MGLL: variants seen among roughly 807,000 people sequenced by gnomAD.
MGLL encodes monoglyceride lipase.
In MGLL, 7 loss-of-function variants were observed where a neutral mutation model predicts 29.1. The ratio of observed to expected loss-of-function variants is 0.24; its 90% CI spans 0.14 to 0.45. MGLL has a LOEUF of 0.45. Among genes scored for constraint, MGLL ranks in the 20% least tolerant of loss-of-function variants. The pLI is 0.99. For synonymous variants in MGLL, 148 were observed against 168.3 expected, an observed-to-expected ratio of 0.88 and a Z score of 0.93; for missense variants, 356 against 413.6, an observed-to-expected ratio of 0.86 and a Z score of 1.21.
chr3:127,762,145 TGGTTTATTGCTTC>T (rs2076775794), intron 3 of MGLL, among the ~76,000 whole-genome samples: 1 of 152,232 alleles, frequency 6.6e-6, no homozygotes, highest in South Asian at 2.1e-4. Flanking sequence ...AGTGCAGTCG[TGGTTTATTGCTTC>T]CACGTTAGTG....
chr3:127,722,111 A>G (rs2075937491), intron 4 of MGLL, among the ~76,000 whole-genome samples: 1 of 152,242 alleles, frequency 6.6e-6, no homozygotes, highest in Non-Finnish European at 1.5e-5. Flanking sequence ...CTTATTGATG[A>G]AGGAGCTATT....
intron 2 of MGLL, among the ~76,000 whole-genome samples, chr3:127,819,213 C>G (rs897306006): frequency 1.3e-5 from 2 of 152,206 alleles, no homozygotes; most frequent in African/African-American, 4.8e-5. Flanking sequence ...CTCCGAGCCA[C>G]CTGCAGAGCC....
chr3:127,811,578 T>C (rs561480448), intron 2 of MGLL, among the ~76,000 whole-genome samples: 1 of 152,366 alleles, frequency 6.6e-6, no homozygotes, highest in East Asian at 1.9e-4. Flanking sequence ...TCCTTGGACA[T>C]GCCTTCACAT....
In MGLL at chr3:127,722,410, G is replaced by T. The variant is rs755899651; in HGVS notation, c.399+20C>A. ...GGAAGCCAGGGTGGATTTAACCTGG[G>T]TCTTCTGTGGTCTGCTTACCATGGA... On this transcript the variant is annotated intron_variant, in intron 4 of 7. Transcript: ENST00000265052. 6.8e-6 allele frequency: 11 copies of T among 1,613,982 alleles called. No individual in the cohort carries two copies. In the African/African-American group the frequency reaches 1.3e-4, roughly 20 times the overall value.
At chr3:127,781,972 G>T (rs1003600079) in intron 2 of MGLL, 77 bp from the exon 3 acceptor site, 5 of 1,410,390 alleles carry the variant, frequency 3.5e-6, no homozygotes, top group South Asian at 1.2e-5. Context: ...TACAATTCCA[G>T]CACTTTGGGA....
At chr3:127,743,177 T>TA (rs1435168631) in intron 3 of MGLL, among the ~76,000 whole-genome samples, 2 of 152,208 alleles carry the variant, frequency 1.3e-5, no homozygotes, top group African/African-American at 4.8e-5. Flanking sequence ...AGTGGCCACC[T>TA]ACATGCCAAG....
intron 2 of MGLL, among the ~76,000 whole-genome samples, chr3:127,812,410 AG>A (rs2077677735): frequency 6.6e-6 from 1 of 152,232 alleles, no homozygotes; most frequent in Non-Finnish European, 1.5e-5. Context: ...TTTATCAGGG[AG>A]CCTGAAATCT....
At chr3:127,739,931 T>C (rs1451525324) in intron 3 of MGLL, among the ~76,000 whole-genome samples, 1 of 152,074 alleles carries the variant, frequency 6.6e-6, no homozygotes, top group Non-Finnish European at 1.5e-5. Context: ...TAGAGACTCA[T>C]AAAATGCAGG....
At chr3:127,764,815 G>A (rs2076828211) in intron 3 of MGLL, among the ~76,000 whole-genome samples, 1 of 152,082 alleles carries the variant, frequency 6.6e-6, no homozygotes, top group South Asian at 2.1e-4. Context: ...CCCCAACATA[G>A]CCAATATTTA....
At chr3:127,752,025 G>A (rs2076568273) in intron 3 of MGLL, among the ~76,000 whole-genome samples, 1 of 151,756 alleles carries the variant, frequency 6.6e-6, no homozygotes, top group Non-Finnish European at 1.5e-5. Context: ...TATTCCCTCA[G>A]GTGACCAATC....
chr3:127,711,500 G>A (rs183569518), intron 5 of MGLL: 1 of 152,386 alleles, frequency 6.6e-6, no homozygotes, highest in East Asian at 1.9e-4. Context: ...TTCAGAGAGG[G>A]GCTGTTTTCA....
chr3:127,702,172 C>T (rs984598714), intron 6 of MGLL, among the ~76,000 whole-genome samples: 7 of 152,212 alleles, frequency 4.6e-5, no homozygotes, highest in African/African-American at 1.2e-4. Context: ...CTGAGCCTAC[C>T]GCCTCTTTCC....
intron 2 of MGLL, among the ~76,000 whole-genome samples, chr3:127,817,900 G>T (rs1351280657): frequency 6.6e-6 from 1 of 152,260 alleles, no homozygotes; most frequent in Non-Finnish European, 1.5e-5. Flanking sequence ...CCCCATCCAT[G>T]GGCCAGTCTC....
intron 3 of MGLL, among the ~76,000 whole-genome samples, chr3:127,753,780 C>G (rs1250541056): frequency 6.6e-6 from 1 of 152,220 alleles, no homozygotes; most frequent in East Asian, 1.9e-4. Context: ...GGCTCAGAAA[C>G]AGCCCAATGA....
At chr3:127,716,313 G>T (rs189696156) in intron 5 of MGLL, among the ~76,000 whole-genome samples, 1 of 152,232 alleles carries the variant, frequency 6.6e-6, no homozygotes, top group Non-Finnish European at 1.5e-5. Context: ...AACTAACTCC[G>T]AAGGGATGCT....
chr3:127,784,540 C>G (rs1383356856), intron 2 of MGLL, among the ~76,000 whole-genome samples: 1 of 152,138 alleles, frequency 6.6e-6, no homozygotes, highest in African/African-American at 2.4e-5. Context: ...ATATAGCCGT[C>G]CCACTGCAGG....
chr3:127,719,104 C>T (rs768504751), intron 5 of MGLL, among the ~76,000 whole-genome samples: 37 of 152,174 alleles, frequency 2.4e-4, no homozygotes, highest in African/African-American at 8.7e-4. Context: ...CAGCTGGCTC[C>T]GAATGTCACA....
chr3:127,760,970 C>T (rs566387203), intron 3 of MGLL, among the ~76,000 whole-genome samples: 76 of 152,256 alleles, frequency 5.0e-4, no homozygotes, highest in African/African-American at 1.6e-3. Flanking sequence ...GCTGGGCAAG[C>T]GTTATTTGAT....
At chr3:127,752,068 C>T (rs961069428) in intron 3 of MGLL, among the ~76,000 whole-genome samples, 2 of 151,820 alleles carry the variant, frequency 1.3e-5, no homozygotes, top group Non-Finnish European at 2.9e-5. Context: ...AGACTTTTTC[C>T]TACACACTCA....
Sources: gnomAD v4.1 joint callset for allele counts (sites outside exome capture counted in the v4.1 genomes callset) on GRCh38, gnomAD v4.1.1 for gene constraint, MANE v1.5 for transcripts, NCBI Gene and HGNC (gene_info 2026-07-23, HGNC 2026-07-21) for gene names.